MBOAT1: variants seen among roughly 807,000 people sequenced by gnomAD.
MBOAT1 encodes membrane-bound glycerophospholipid O-acyltransferase 1.
Under a neutral mutation model 64.4 loss-of-function variants are expected in MBOAT1, and 67 were observed. The observed-to-expected ratio is 1.04, with a 90% CI of 0.85 to 1.27. The LOEUF is 1.27. Among genes scored for constraint, MBOAT1 ranks in the 50% most tolerant of loss-of-function variants. The pLI is 0.00. For missense variants in MBOAT1, 563 were observed against 604.6 expected (o/e 0.93, Z 0.72); for synonymous variants, 229 against 218.9 (o/e 1.05, Z -0.41).
At chr6:20,114,363 G>C (rs965951660) in intron 10 of MBOAT1, among the ~76,000 whole-genome samples, 4 of 152,164 alleles carry the variant, frequency 2.6e-5, no homozygotes, top group Non-Finnish European at 5.9e-5. Flanking sequence ...TATTTCTGTA[G>C]TAAATAACGT....
chr6:20,115,412 T>TGGGGAGAACTTTCCA, intron 9 of MBOAT1, 60 bp from the exon 10 acceptor site: 1 of 1,369,702 alleles, frequency 7.3e-7, no homozygotes, highest in Non-Finnish European at 1.0e-6. Context: ...TAATGGAAAG[T>TGGGGAGAACTTTCCA]TCTCCCCAGT....
At chr6:20,164,638 T>TA (rs60436698) in intron 1 of MBOAT1, among the ~76,000 whole-genome samples, 146,375 of 151,978 alleles carry the variant, frequency 0.96, 70,724 homozygotes, top group East Asian at 1. Context: ...AGGCATCTTT[T>TA]AAAAAAATTT....
intron 8 of MBOAT1, 38 bp downstream of exon 8, chr6:20,124,370 T>C: frequency 6.3e-7 from 1 of 1,585,306 alleles, no homozygotes; most frequent in South Asian, 1.1e-5. Context: ...CAGTAGCATT[T>C]TTCCCTCATT....
At chr6:20,117,673 C>T (rs1250090165) in intron 9 of MBOAT1, among the ~76,000 whole-genome samples, 1 of 152,190 alleles carries the variant, frequency 6.6e-6, no homozygotes, top group Non-Finnish European at 1.5e-5. Flanking sequence ...CCCAAACTCT[C>T]CAGTGGACTC....
At chr6:20,192,246 AT>A (rs1457237289) in intron 1 of MBOAT1, among the ~76,000 whole-genome samples, 3 of 151,898 alleles carry the variant, frequency 2.0e-5, no homozygotes, top group Non-Finnish European at 4.4e-5. Flanking sequence ...ACAGTCAAAA[AT>A]TTTTTTCTTT....
At chr6:20,167,944 A>G (rs1296302945) in intron 1 of MBOAT1, among the ~76,000 whole-genome samples, 1 of 152,158 alleles carries the variant, frequency 6.6e-6, no homozygotes, top group Non-Finnish European at 1.5e-5. Context: ...CAAAGTCACT[A>G]ATTAGAGTTG....
chr6:20,173,907 G>T (rs181824519), intron 1 of MBOAT1, among the ~76,000 whole-genome samples: 4 of 152,156 alleles, frequency 2.6e-5, no homozygotes, highest in African/African-American at 4.8e-5. Flanking sequence ...CCGGGATCAC[G>T]CCACTGCACT....
intron 9 of MBOAT1, among the ~76,000 whole-genome samples, chr6:20,115,757 G>A (rs902304116): frequency 2.0e-5 from 3 of 152,068 alleles, no homozygotes; most frequent in African/African-American, 4.8e-5. Flanking sequence ...AAATTTAATC[G>A]TCATCTTTTC....
intron 1 of MBOAT1, among the ~76,000 whole-genome samples, chr6:20,205,136 C>T (rs1763226090): frequency 6.6e-6 from 1 of 151,972 alleles, no homozygotes; most frequent in Admixed American, 6.6e-5. Flanking sequence ...GAGTTTGAGA[C>T]TGCAGGGTGC....
rs1423136465 is a variant in MBOAT1 at position 20,101,553 on chromosome 6, A to G, written c.*733T>C. On this transcript the variant is annotated 3_prime_UTR_variant, in exon 13 of 13. Transcript: ENST00000324607. ...GTCTGGGGCTTCCCAGGGAACCACT[A>G]TGACTGAGTATATTCTGATTTGAGA... 6.6e-6 allele frequency among the ~76,000 whole-genome samples: 1 copy of G among 152,194 alleles called. No homozygotes were observed. Among genetic ancestry groups the G allele is most frequent in the Non-Finnish European group, 1.5e-5 (1 of 68,042 alleles).
chr6:20,122,224 C>T (rs1177277443), intron 8 of MBOAT1, among the ~76,000 whole-genome samples: 1 of 152,158 alleles, frequency 6.6e-6, no homozygotes, highest in Non-Finnish European at 1.5e-5. Context: ...AAGTAGGCTT[C>T]CAACCATAGC....
At chr6:20,136,779 G>C (rs1761007841) in intron 4 of MBOAT1, among the ~76,000 whole-genome samples, 1 of 151,796 alleles carries the variant, frequency 6.6e-6, no homozygotes, top group Non-Finnish European at 1.5e-5. Flanking sequence ...TAAAATTCCA[G>C]GATTTTCTCT....
At chr6:20,147,275 A>C (rs1228681914) in intron 3 of MBOAT1, among the ~76,000 whole-genome samples, 1 of 152,240 alleles carries the variant, frequency 6.6e-6, no homozygotes, top group Non-Finnish European at 1.5e-5. Context: ...AAATCCCAGC[A>C]CTGGCAGAAG....
chr6:20,150,049 TAG>T (rs1487603922), intron 3 of MBOAT1, among the ~76,000 whole-genome samples: 1 of 152,166 alleles, frequency 6.6e-6, no homozygotes, highest in African/African-American at 2.4e-5. Context: ...TTTGTTTTCA[TAG>T]AACTTACATT....
Position 20,152,662 on chromosome 6 carries a change from G to T in MBOAT1, c.207C>A (p.Thr69=), listed in dbSNP as rs1320100442. The change falls in exon 2 of 13, where the codon ACC becomes ACA. Residue 69 remains threonine, a synonymous_variant. Transcript: ENST00000324607. ...TSSDVRHAVA[T]IFGIYFVIFC... is the part of the protein sequence containing the mutation. ...AGATGACAAAATAGATGCCAAAAAT[G>T]GTGGCAACCGCATGCCGGACATCAG... 6.2e-7 allele frequency: 1 copy of T among 1,611,338 alleles called. No homozygotes were observed. Among genetic ancestry groups the T allele is most frequent in the Non-Finnish European group, 8.5e-7 (1 of 1,178,224 alleles).
rs777182159 is a variant in MBOAT1 at position 20,102,267 on chromosome 6, T to A, written c.*19A>T. Reference sequence around the variant, plus strand: ...TCGAACGTTCTGCAGTTTTGCTTGTTCCGCTTCTCTTGGAGGTATCAATCT... The same window carrying A: ...TCGAACGTTCTGCAGTTTTGCTTGTACCGCTTCTCTTGGAGGTATCAATCT... On this transcript the variant is annotated 3_prime_UTR_variant, in exon 13 of 13. Transcript: ENST00000324607. The A allele has an allele frequency of 1.2e-6, 2 of 1,610,504 alleles. No individual in the cohort carries two copies. Among genetic ancestry groups the A allele is most frequent in the Non-Finnish European group, 1.7e-6 (2 of 1,178,732 alleles).
intron 1 of MBOAT1, among the ~76,000 whole-genome samples, chr6:20,157,647 CTACT>C (rs1761734107): frequency 1.3e-5 from 2 of 152,016 alleles, no homozygotes. Context: ...TCATTTCATA[CTACT>C]TACTCTATCC....
intron 3 of MBOAT1, among the ~76,000 whole-genome samples, chr6:20,147,434 G>A (rs1761359164): frequency 6.6e-6 from 1 of 152,242 alleles, no homozygotes; most frequent in Non-Finnish European, 1.5e-5. Flanking sequence ...GAGGTCAGGG[G>A]TTCGAGACCA....
At chr6:20,106,023 G>A (rs1759944677) in intron 12 of MBOAT1, among the ~76,000 whole-genome samples, 1 of 152,162 alleles carries the variant, frequency 6.6e-6, no homozygotes, top group Non-Finnish European at 1.5e-5. Flanking sequence ...ACCTAACAAC[G>A]AAGTACAAGT....
Sources: gnomAD v4.1 joint callset for allele counts (sites outside exome capture counted in the v4.1 genomes callset) on GRCh38, gnomAD v4.1.1 for gene constraint, MANE v1.5 for transcripts, NCBI Gene and HGNC (gene_info 2026-07-23, HGNC 2026-07-21) for gene names.